KDM1B: variants seen among roughly 807,000 people sequenced by gnomAD.
KDM1B encodes the protein lysine demethylase 1B.
A neutral mutation model predicts 107.4 loss-of-function variants in KDM1B; 63 were observed. The observed-to-expected ratio is 0.59, with a 90% CI of 0.48 to 0.72. The LOEUF (loss-of-function observed/expected upper bound fraction) is 0.72. Ranked by LOEUF, KDM1B falls within the 30% of genes least tolerant of loss-of-function variation. The probability of loss-of-function intolerance (pLI) is 0.00; values close to 1 mark genes in which losing one functional copy is unlikely to be tolerated. For synonymous variants in KDM1B, 363 were observed against 363.9 expected (o/e 1.00, Z 0.03); for missense variants, 749 against 1,020.8 (o/e 0.73, Z 3.63).
At position 18,201,735 on chromosome 6, in the gene KDM1B, A is replaced by T; in HGVS notation, c.1531+78A>T. Reference sequence around the variant, plus strand: ...AGCTTCATCAGCAGTGGCATTGTTCATTTGCGAGGTCGGATGTCGGCAACA... The same window carrying T: ...AGCTTCATCAGCAGTGGCATTGTTCTTTTGCGAGGTCGGATGTCGGCAACA... On this transcript the variant is annotated intron_variant, in intron 14 of 21. Transcript: ENST00000650836. The surrounding 1 kb of genome is among the most constrained non-coding windows in gnomAD (Gnocchi z 4.3). 8.2e-7 allele frequency: 1 copy of T among 1,226,492 alleles called. No individual in the cohort carries two copies. Among genetic ancestry groups the T allele is most frequent in the Non-Finnish European group, 1.1e-6 (1 of 887,478 alleles). 76.0% of individuals were successfully genotyped at this position (1,226,492 alleles called of 1,614,324 possible).
intron 5 of KDM1B, among the ~76,000 whole-genome samples, chr6:18,165,407 G>A (rs1450371377): frequency 1.3e-5 from 2 of 152,020 alleles, no homozygotes; most frequent in Non-Finnish European, 2.9e-5. Flanking sequence ...TGGGATTACA[G>A]GCGTGAGCCA....
chr6:18,165,128 ATTTTTT>A (rs35906579), intron 5 of KDM1B, among the ~76,000 whole-genome samples: 1,246 of 81,574 alleles, frequency 0.015, 20 homozygotes, highest in Middle Eastern at 0.061. Flanking sequence ...GCCTTCTCTG[ATTTTTT>A]TTTTTTTTTT....
chr6:18,176,075 A>G (rs938327321), intron 7 of KDM1B, among the ~76,000 whole-genome samples: 3 of 152,128 alleles, frequency 2.0e-5, no homozygotes, highest in African/African-American at 7.2e-5. Flanking sequence ...TTTTCACAAC[A>G]TTGATTCTAC....
chr6:18,219,853 C>T (rs1231477564), intron 21 of KDM1B, among the ~76,000 whole-genome samples: 1 of 152,226 alleles, frequency 6.6e-6, no homozygotes, highest in African/African-American at 2.4e-5. Flanking sequence ...ACTGTGGGCG[C>T]TGGAAGCTTC....
In KDM1B at chr6:18,171,808, CAT is replaced by C. The variant is rs373356493; in HGVS notation, c.534+330_534+331del. ...ACAAGGTAGTTGCTATACCACCAGTCATGTGTCCAAATCCTAAGCAGAAAAGG... is the reference window on the plus strand; with the variant it reads ...ACAAGGTAGTTGCTATACCACCAGTCGTGTCCAAATCCTAAGCAGAAAAGG... On this transcript the variant is annotated intron_variant, in intron 7 of 21. Transcript: ENST00000650836. Among the ~76,000 whole-genome samples, 405 of 152,262 alleles carry C rather than the reference CAT, an allele frequency of 2.7e-3. 2 individuals are homozygous for C. The highest frequency in any genetic ancestry group is 9.3e-3 in the African/African-American group (386 of 41,554).
intron 20 of KDM1B, 129 bp from the exon 21 acceptor site, chr6:18,217,604 C>T (rs1789347192): frequency 1.5e-6 from 1 of 667,026 alleles, no homozygotes; most frequent in African/African-American, 1.8e-5. Context: ...GTCTCGATCT[C>T]CTGACCTTGT....
chr6:18,209,183 A>G lies in KDM1B; in HGVS notation c.1866+977A>G, dbSNP rs372904803. Among the ~76,000 whole-genome samples the G allele has an allele frequency of 9.7e-4, 147 of 152,314 alleles. No homozygotes were observed. Among genetic ancestry groups the G allele is most frequent in the South Asian group, 2.7e-3 (13 of 4,826 alleles). On this transcript the variant is annotated intron_variant, in intron 17 of 21. Transcript: ENST00000650836. The surrounding 1 kb of genome is among the most constrained non-coding windows in gnomAD (Gnocchi z 4.3). ...AGTACAAGGTACTGCTGAATCAAATACCTGAAATCACACTGAGATTTATAG... is the reference window on the plus strand; with the variant it reads ...AGTACAAGGTACTGCTGAATCAAATGCCTGAAATCACACTGAGATTTATAG...
rs1320852237 is a variant in KDM1B at position 18,159,125 on chromosome 6, G to A, written c.-13-758G>A. Among the ~76,000 whole-genome samples the A allele has an allele frequency of 6.6e-6, 1 of 152,152 alleles. No homozygotes were observed. The highest frequency in any genetic ancestry group is 1.5e-5 in the Non-Finnish European group (1 of 68,030). On this transcript the variant is annotated intron_variant, in intron 2 of 21. Coordinates refer to ENST00000650836, the MANE Select transcript of KDM1B (RefSeq NM_001364614.2). The surrounding 1 kb of genome is among the most constrained non-coding windows in gnomAD (Gnocchi z 4.5). ...TGGAATTACAGGCACGCGCCTCCAT[G>A]CCTGGCTAATTTTTGTATTTTTAGT...
chr6:18,217,169 G>A (rs189551986), intron 20 of KDM1B, among the ~76,000 whole-genome samples: 11 of 152,110 alleles, frequency 7.2e-5, no homozygotes, highest in African/African-American at 2.2e-4. Flanking sequence ...AGTGTGTCCC[G>A]GGCAGAAGGA....
In KDM1B at chr6:18,200,547, A is replaced by G; in HGVS notation, c.1330A>G (p.Asn444Asp). The change falls in exon 13 of 22, where the codon AAC becomes GAC. Residue 444 changes from asparagine (N) to aspartate (D), a missense_variant. Physicochemically the swap from Asn to Asp is conservative, Grantham distance 23. Coordinates refer to ENST00000650836, the MANE Select transcript of KDM1B (RefSeq NM_001364614.2). This position sits in a 1 kb window ranked among gnomAD's most constrained non-coding sequence, Gnocchi z 4.3. ...AGCTCAGATTGTCAATGGGTGTATT[A>G]ACAACCCAGTAGCATTAATGTGTGA... The part of the protein sequence containing the change: ...RGAQIVNGCI[N>D]NPVALMCEQL... 1 of 1,613,918 alleles carries G rather than the reference A, an allele frequency of 6.2e-7. No individual in the cohort carries two copies. The highest frequency in any genetic ancestry group is 8.5e-7 in the Non-Finnish European group (1 of 1,179,884).
chr6:18,222,086 C>A lies in KDM1B; in HGVS notation c.*94C>A. On this transcript the variant is annotated 3_prime_UTR_variant, in exon 22 of 22. Transcript: ENST00000650836. Reference sequence around the variant, plus strand: ...TTTTATAAGAGGGGGAAAAAACCGTCTCTACATAGTAAAACTGAAATGTTT... The same window carrying A: ...TTTTATAAGAGGGGGAAAAAACCGTATCTACATAGTAAAACTGAAATGTTT... The A allele has an allele frequency of 1.8e-6, 2 of 1,086,238 alleles. No homozygotes were observed. The highest frequency in any genetic ancestry group is 2.9e-6 in the Non-Finnish European group (2 of 700,426). The allele number at this position is 1,086,238 out of a possible 1,614,324, so 67.3% of individuals were successfully genotyped here.
rs368596055 is a variant in KDM1B, at chr6:18,159,054, G to A, written c.-13-829G>A. 2.0e-5 allele frequency among the ~76,000 whole-genome samples: 3 copies of A among 152,064 alleles called. No homozygotes were observed. Among genetic ancestry groups the A allele is most frequent in the South Asian group, 4.1e-4 (2 of 4,826 alleles). Reference sequence around the variant, plus strand: ...ACAATCTCGGCTCACTGCAACCTCCGCCTCCCTGGTTCAGGCGATTCTCCT... The same window carrying A: ...ACAATCTCGGCTCACTGCAACCTCCACCTCCCTGGTTCAGGCGATTCTCCT... On this transcript the variant is annotated intron_variant, in intron 2 of 21. Coordinates refer to ENST00000650836, the MANE Select transcript of KDM1B (RefSeq NM_001364614.2). The surrounding 1 kb of genome is among the most constrained non-coding windows in gnomAD (Gnocchi z 4.5).
intron 6 of KDM1B, among the ~76,000 whole-genome samples, chr6:18,169,220 T>TTATA (rs1440462403): frequency 6.6e-6 from 1 of 150,496 alleles, no homozygotes. Context: ...GTTGTAAGAA[T>TTATA]TATATATATA....
At chr6:18,181,114 C>T (rs12664214) in intron 7 of KDM1B, among the ~76,000 whole-genome samples, 22,817 of 152,132 alleles carry the variant, frequency 0.15, 1,796 homozygotes, top group Admixed American at 0.19. Context: ...ACAAATGATA[C>T]ATGTTCATTA....
At chr6:18,187,424 A>G (rs1305319932) in intron 8 of KDM1B, among the ~76,000 whole-genome samples, 7 of 152,104 alleles carry the variant, frequency 4.6e-5, no homozygotes, top group African/African-American at 1.7e-4. Context: ...TGAATGATAG[A>G]TGATTACTGA....
chr6:18,216,729 G>A (rs1789264258), intron 20 of KDM1B, among the ~76,000 whole-genome samples: 1 of 152,150 alleles, frequency 6.6e-6, no homozygotes. Context: ...TAGTCACTCA[G>A]GAGTCATCTC....
chr6:18,171,035 T>C lies in KDM1B; in HGVS notation c.418-328T>C, dbSNP rs376190250. Among the ~76,000 whole-genome samples, 10 of 152,152 alleles carry C rather than the reference T, an allele frequency of 6.6e-5. No homozygotes were observed. The South Asian group carries it at 1.7e-3, about 25-fold the overall frequency. On this transcript the variant is annotated intron_variant, in intron 6 of 21. Transcript: ENST00000650836. The stretch of plus-strand genomic sequence containing the variant: ...CGGGGTTTCACCGTGTTAGCCAGGA[T>C]GGTCTGGATTTCCTGACCTCGTGAT...
chr6:18,189,520 G>A (rs1482852562), intron 9 of KDM1B, among the ~76,000 whole-genome samples: 1 of 152,174 alleles, frequency 6.6e-6, no homozygotes, highest in Non-Finnish European at 1.5e-5. Flanking sequence ...GCTTGTAATA[G>A]TGAAGTAATT....
At chr6:18,208,595 A>ATGTGTGTG (rs1554149784) in intron 17 of KDM1B, among the ~76,000 whole-genome samples, 1 of 56,102 alleles carries the variant, frequency 1.8e-5, no homozygotes, top group Non-Finnish European at 3.4e-5. Flanking sequence ...AAATAGAAGT[A>ATGTGTGTG]TGTGTATGTA....
Sources: gnomAD v4.1 joint callset for allele counts (sites outside exome capture counted in the v4.1 genomes callset) on GRCh38, gnomAD v4.1.1 for gene constraint, Gnocchi (gnomAD v3.1) non-coding constraint, MANE v1.5 for transcripts, NCBI Gene and HGNC (gene_info 2026-07-23, HGNC 2026-07-21) for gene names.